UBE3A: variants seen among roughly 807,000 people sequenced by gnomAD.
UBE3A encodes ubiquitin protein ligase E3A.
A neutral mutation model predicts 83.4 loss-of-function variants in UBE3A; 6 were observed. The ratio of observed to expected loss-of-function variants is 0.07; its 90% CI spans 0.04 to 0.14. UBE3A has a LOEUF of 0.14. Ranked by LOEUF, UBE3A falls within the 10% of genes least tolerant of loss-of-function variation. The pLI, the probability that UBE3A is intolerant of heterozygous loss-of-function variation, is 1.00. For synonymous variants in UBE3A, 337 were observed against 355.4 expected, an observed-to-expected ratio of 0.95 and a Z score of 0.58; for missense variants, 456 against 1,036.1, an observed-to-expected ratio of 0.44 and a Z score of 7.69.
intron 4 of UBE3A, among the ~76,000 whole-genome samples, chr15:25,398,184 A>AAC (rs1296705129): frequency 3.3e-5 from 5 of 151,114 alleles, no homozygotes; most frequent in African/African-American, 1.2e-4. Context: ...AAAAAAAAAA[A>AAC]AAAAAAACAC....
At chr15:25,354,181 C>A in intron 11 of UBE3A, 172 bp downstream of exon 11, 1 of 655,098 alleles carries the variant, frequency 1.5e-6, no homozygotes, top group Middle Eastern at 4.1e-4. Context: ...AAATAAATCA[C>A]AAGATTAGCT....
At position 25,371,896 on chromosome 15, in the gene UBE3A, A is replaced by G; in HGVS notation, c.362-84T>C. On this transcript the variant is annotated intron_variant, in intron 5 of 12. Coordinates refer to ENST00000648336, the MANE Select transcript of UBE3A (RefSeq NM_130839.5). The surrounding 1 kb of genome is among the most constrained non-coding windows in gnomAD (Gnocchi z 5.3). Reference sequence around the variant, plus strand: ...TTGCAAAAAGTTCTAAAAGTAAAACAGCCAAACATTCTAGGCTCAATATCA... The same window carrying G: ...TTGCAAAAAGTTCTAAAAGTAAAACGGCCAAACATTCTAGGCTCAATATCA... 1 of 1,317,176 alleles carries G rather than the reference A, an allele frequency of 7.6e-7. No homozygotes were observed. The allele number at this position is 1,317,176 out of a possible 1,614,324, so 81.6% of individuals were successfully genotyped here.
chr15:25,390,843 C>G (rs189820221), intron 4 of UBE3A, among the ~76,000 whole-genome samples: 1 of 151,772 alleles, frequency 6.6e-6, no homozygotes, highest in African/African-American at 2.4e-5. Context: ...GTGGGAGATG[C>G]ACACTGGCTA....
chr15:25,412,148 G>A (rs2090116120), intron 1 of UBE3A, among the ~76,000 whole-genome samples, 177 bp from the exon 2 acceptor site: 1 of 140,504 alleles, frequency 7.1e-6, no homozygotes, highest in Admixed American at 7.0e-5. Context: ...GCATAGGTAG[G>A]CAGGCCCTGT....
At chr15:25,435,314 TG>T (rs1159879446) in intron 1 of UBE3A, among the ~76,000 whole-genome samples, 1 of 152,174 alleles carries the variant, frequency 6.6e-6, no homozygotes. Context: ...ACATCTTTCT[TG>T]TCTTTGTGGG....
chr15:25,405,328 T>C (rs904779204), intron 4 of UBE3A, 133 bp downstream of exon 4: 2 of 1,031,332 alleles, frequency 1.9e-6, no homozygotes, highest in South Asian at 1.4e-5. Context: ...AGTAGGTATG[T>C]TCCTATCTCC....
intron 4 of UBE3A, among the ~76,000 whole-genome samples, chr15:25,389,217 T>C (rs965366483): frequency 4.1e-4 from 61 of 149,778 alleles, no homozygotes; most frequent in African/African-American, 1.5e-3. Flanking sequence ...ATGAAGAAAA[T>C]AGTCTTTTTC....
chr15:25,349,285 T>G (rs923409787), intron 11 of UBE3A, among the ~76,000 whole-genome samples: 1 of 152,142 alleles, frequency 6.6e-6, no homozygotes, highest in Admixed American at 6.5e-5. Context: ...GATCACAGAT[T>G]TACACATAAA....
chr15:25,404,035 T>C (rs2087831328), intron 4 of UBE3A, among the ~76,000 whole-genome samples: 1 of 152,168 alleles, frequency 6.6e-6, no homozygotes, highest in Non-Finnish European at 1.5e-5. Context: ...ACAATATTAA[T>C]ATACTTAATA....
chr15:25,432,008 T>C (rs1893599493), intron 1 of UBE3A, among the ~76,000 whole-genome samples: 1 of 152,238 alleles, frequency 6.6e-6, no homozygotes, highest in South Asian at 2.1e-4. Context: ...GCTGTGCACT[T>C]CATCCTTTGC....
chr15:25,353,515 G>GA (rs535203551), intron 11 of UBE3A, among the ~76,000 whole-genome samples: 1 of 151,814 alleles, frequency 6.6e-6, no homozygotes, highest in South Asian at 2.1e-4. Context: ...TCTTAGTTGA[G>GA]AAAAAAAATC....
At chr15:25,427,961 A>T (rs547060234) in intron 1 of UBE3A, among the ~76,000 whole-genome samples, 71 of 152,284 alleles carry the variant, frequency 4.7e-4, no homozygotes, top group Admixed American at 1.4e-3. Context: ...AGAAGCCATT[A>T]TGTTAAGTGA....
At chr15:25,428,328 A>C (rs745341586) in intron 1 of UBE3A, among the ~76,000 whole-genome samples, 1 of 152,216 alleles carries the variant, frequency 6.6e-6, no homozygotes, top group Non-Finnish European at 1.5e-5. Flanking sequence ...CTAAATGCAA[A>C]TAACAAAGAG....
chr15:25,372,832 C>T (rs4906708), intron 5 of UBE3A, among the ~76,000 whole-genome samples: 58,294 of 151,940 alleles, frequency 0.38, 14,908 homozygotes, highest in African/African-American at 0.74. Context: ...ACCTCCATTG[C>T]GCCAAATATA....
chr15:25,416,650 A>G (rs529421273), intron 1 of UBE3A, among the ~76,000 whole-genome samples: 3 of 152,010 alleles, frequency 2.0e-5, no homozygotes, highest in African/African-American at 7.2e-5. Context: ...TCTAAAAAAA[A>G]AAAAAAAAAC....
chr15:25,392,427 T>C (rs1007662399), intron 4 of UBE3A, among the ~76,000 whole-genome samples: 3 of 152,240 alleles, frequency 2.0e-5, no homozygotes, highest in Non-Finnish European at 4.4e-5. Context: ...ATACTTTCCC[T>C]TTTAAATTTC....
At chr15:25,385,439 A>G (rs901925998) in intron 4 of UBE3A, among the ~76,000 whole-genome samples, 4 of 152,152 alleles carry the variant, frequency 2.6e-5, no homozygotes, top group African/African-American at 7.2e-5. Flanking sequence ...AAAAAAACAG[A>G]AAATAAGTAT....
intron 12 of UBE3A, 156 bp from the exon 13 acceptor site, chr15:25,339,413 A>G (rs1042995116): frequency 7.8e-6 from 7 of 894,664 alleles, no homozygotes; most frequent in Non-Finnish European, 8.0e-6. Flanking sequence ...TTGTGTAACT[A>G]CCAAGTTGCC....
At chr15:25,403,587 G>A (rs1194890384) in intron 4 of UBE3A, among the ~76,000 whole-genome samples, 1 of 152,054 alleles carries the variant, frequency 6.6e-6, no homozygotes, top group Non-Finnish European at 1.5e-5. Context: ...ATTACCATAT[G>A]ATCCAACAAT....
Sources: allele counts gnomAD v4.1 joint callset (sites outside exome capture counted in the v4.1 genomes callset), GRCh38; gene constraint gnomAD v4.1.1; non-coding constraint Gnocchi (gnomAD v3.1); transcripts MANE v1.5; gene names NCBI Gene and HGNC (gene_info 2026-07-23, HGNC 2026-07-21).